The following PTPRM variants were observed in gnomAD, a reference collection of about 807,000 sequenced individuals.
PTPRM encodes receptor-type tyrosine-protein phosphatase mu.
Under a neutral mutation model 186.7 loss-of-function variants are expected in PTPRM, and 47 were observed. The observed-to-expected ratio is 0.25, with a 90% confidence interval of 0.20 to 0.32. The LOEUF is 0.32. Ranked by LOEUF, PTPRM falls within the 10% of genes least tolerant of loss-of-function variation. PTPRM has a pLI of 1.00. For synonymous variants in PTPRM, 668 were observed against 674.9 expected, an observed-to-expected ratio of 0.99 and a Z score of 0.16; for missense variants, 1,494 against 1,865.0, an observed-to-expected ratio of 0.80 and a Z score of 3.66.
chr18:7,834,491 T>TACACACACACACACATACAC (rs1555613408), intron 2 of PTPRM, among the ~76,000 whole-genome samples: 2 of 84,606 alleles, frequency 2.4e-5, no homozygotes, highest in East Asian at 3.1e-4. Flanking sequence ...TATACAAGTA[T>TACACACACACACACATACAC]ACACACACAC....
At chr18:7,682,837 TG>T (rs556446457) in intron 1 of PTPRM, among the ~76,000 whole-genome samples, 8 of 152,042 alleles carry the variant, frequency 5.3e-5, no homozygotes, top group African/African-American at 1.7e-4. Context: ...TCTTGGGCAT[TG>T]GGGGGGTGCA....
At chr18:7,729,690 G>A (rs555846761) in intron 1 of PTPRM, among the ~76,000 whole-genome samples, 28 of 152,128 alleles carry the variant, frequency 1.8e-4, no homozygotes, top group African/African-American at 6.0e-4. Context: ...TAGGTATTTT[G>A]TCCTTATCAT....
chr18:8,076,543 T>C lies in PTPRM; in HGVS notation c.1530T>C (p.Tyr510=). 4 of 1,579,588 alleles carry C rather than the reference T, an allele frequency of 2.5e-6. No individual in the cohort carries two copies. The highest frequency in any genetic ancestry group is 3.5e-6 in the Non-Finnish European group (4 of 1,149,864). Residue 510 remains tyrosine, a synonymous_variant, in exon 9 of 33, where the codon TAT becomes TAC. Coordinates refer to ENST00000580170, the MANE Select transcript of PTPRM (RefSeq NM_001105244.2). ...FLQWREPTQT[Y]GVITLYEITY... is the part of the protein sequence containing the mutation. ...AGTGGAGAGAACCAACTCAAACATATGGTGTAATCACTTTATATGAGGTAA... is the reference window on the plus strand; with the variant it reads ...AGTGGAGAGAACCAACTCAAACATACGGTGTAATCACTTTATATGAGGTAA...
intron 22 of PTPRM, among the ~76,000 whole-genome samples, chr18:8,332,272 T>G (rs984502660): frequency 5.9e-5 from 9 of 152,328 alleles, no homozygotes; most frequent in African/African-American, 2.2e-4. Flanking sequence ...AGATGATGGT[T>G]GAAGGGTTGT....
At chr18:8,236,031 A>G (rs2094342331) in intron 14 of PTPRM, among the ~76,000 whole-genome samples, 2 of 152,190 alleles carry the variant, frequency 1.3e-5, no homozygotes, top group Non-Finnish European at 2.9e-5. Flanking sequence ...GAACTTGAAT[A>G]TAATGTGTAT....
chr18:7,792,489 T>G (rs895878445), intron 2 of PTPRM, among the ~76,000 whole-genome samples: 2 of 152,290 alleles, frequency 1.3e-5, no homozygotes, highest in South Asian at 2.1e-4. Context: ...TGAAAACATC[T>G]GCTTAACTTC....
At chr18:8,402,274 C>G (rs2095876264) in intron 32 of PTPRM, among the ~76,000 whole-genome samples, 1 of 152,144 alleles carries the variant, frequency 6.6e-6, no homozygotes. Flanking sequence ...ATTCAGAAAC[C>G]AGTCATCACA....
At chr18:8,217,738 G>A (rs1466993001) in intron 14 of PTPRM, among the ~76,000 whole-genome samples, 2 of 152,068 alleles carry the variant, frequency 1.3e-5, no homozygotes, top group Non-Finnish European at 2.9e-5. Context: ...GCCCAGTGAG[G>A]CTTTGTGTTG....
chr18:7,941,005 C>T (rs376763056), intron 5 of PTPRM, among the ~76,000 whole-genome samples: 5 of 152,130 alleles, frequency 3.3e-5, no homozygotes, highest in Admixed American at 6.5e-5. Context: ...CATTTTACTG[C>T]GAGGATTTCA....
chr18:7,659,147 C>A (rs2038921464), intron 1 of PTPRM, among the ~76,000 whole-genome samples: 1 of 151,764 alleles, frequency 6.6e-6, no homozygotes, highest in Non-Finnish European at 1.5e-5. Context: ...CACACACACA[C>A]ACACACACAA....
chr18:8,168,893 C>T (rs2093359173), intron 14 of PTPRM, among the ~76,000 whole-genome samples: 1 of 152,186 alleles, frequency 6.6e-6, no homozygotes, highest in African/African-American at 2.4e-5. Context: ...GCACAGACTC[C>T]ATGCCATGGT....
At chr18:7,632,408 C>G (rs1302313822) in intron 1 of PTPRM, among the ~76,000 whole-genome samples, 2 of 152,186 alleles carry the variant, frequency 1.3e-5, no homozygotes, top group East Asian at 1.9e-4. Context: ...TTGGAACTTG[C>G]GTTTAATTCC....
At chr18:7,890,431 G>A (rs2049012648) in intron 3 of PTPRM, among the ~76,000 whole-genome samples, 1 of 151,920 alleles carries the variant, frequency 6.6e-6, no homozygotes, top group African/African-American at 2.4e-5. Flanking sequence ...TGAATAAATG[G>A]GCTGTAAATT....
At chr18:7,711,224 A>C (rs2040206065) in intron 1 of PTPRM, among the ~76,000 whole-genome samples, 1 of 152,250 alleles carries the variant, frequency 6.6e-6, no homozygotes, top group East Asian at 1.9e-4. Context: ...CGGGAAGCTC[A>C]AGGGGTCGGG....
chr18:7,607,561 T>C (rs188354446), intron 1 of PTPRM, among the ~76,000 whole-genome samples: 3 of 152,320 alleles, frequency 2.0e-5, no homozygotes, highest in Non-Finnish European at 4.4e-5. Flanking sequence ...CTCTTTGTGC[T>C]TCACAATTAG....
intron 11 of PTPRM, among the ~76,000 whole-genome samples, chr18:8,109,379 A>C (rs1007482424): frequency 1.3e-5 from 2 of 152,172 alleles, no homozygotes; most frequent in Non-Finnish European, 2.9e-5. Flanking sequence ...TGAAAATCTA[A>C]TTTGTCTTGT....
chr18:7,975,907 A>T (rs572939009), intron 7 of PTPRM, among the ~76,000 whole-genome samples: 1 of 152,344 alleles, frequency 6.6e-6, no homozygotes, highest in South Asian at 2.1e-4. Flanking sequence ...TCAGTGGCTC[A>T]CACTTGTAAT....
intron 7 of PTPRM, among the ~76,000 whole-genome samples, chr18:8,004,785 C>G (rs1194927706): frequency 6.6e-6 from 1 of 152,114 alleles, no homozygotes; most frequent in Non-Finnish European, 1.5e-5. Context: ...CCCTGTGGCT[C>G]GTGCCACAAG....
rs576028261 is a variant in PTPRM at position 8,260,847 on chromosome 18, G to A, written c.2754+7433G>A. On this transcript the variant is annotated intron_variant, in intron 19 of 32. Coordinates refer to ENST00000580170, the MANE Select transcript of PTPRM (RefSeq NM_001105244.2). ...CAGCAGCAGGGCGCGGGAGGAAGGC[G>A]CCCCGGGCATCTGGGCTCCCCCTTG... is the stretch of plus-strand genomic sequence containing the variant. 9.2e-5 allele frequency among the ~76,000 whole-genome samples: 14 copies of A among 152,312 alleles called. No individual in the cohort carries two copies. The East Asian group carries it at 9.7e-4, about 11-fold the overall frequency.
Sources: gnomAD v4.1 joint callset for allele counts (sites outside exome capture counted in the v4.1 genomes callset) on GRCh38, gnomAD v4.1.1 for gene constraint, MANE v1.5 for transcripts, NCBI Gene and HGNC (gene_info 2026-07-23, HGNC 2026-07-21) for gene names.